The following MAGI2 variants were observed in gnomAD, a reference collection of about 807,000 sequenced individuals.
MAGI2 encodes the protein membrane associated guanylate kinase, WW and PDZ domain containing 2.
Under a neutral mutation model 133.3 loss-of-function variants are expected in MAGI2, and 35 were observed. That is an observed-to-expected ratio of 0.26 (90% CI 0.20 to 0.35). MAGI2 has a LOEUF of 0.35. MAGI2 is among the 10% of genes least tolerant of loss of function. MAGI2 has a pLI of 1.00. For missense variants in MAGI2, 1,636 were observed against 1,863.4 expected (o/e 0.88, Z 2.25); for synonymous variants, 729 against 710.6 (o/e 1.03, Z -0.41).
chr7:79,415,236 C>A (rs1398348672), intron 1 of MAGI2: 3 of 152,134 alleles, frequency 2.0e-5, no homozygotes, highest in Non-Finnish European at 4.4e-5. Context: ...AGTGCTGTGT[C>A]ATTCTTCTTT....
At chr7:78,038,103 CT>C (rs1197896171) in intron 21 of MAGI2, among the ~76,000 whole-genome samples, 1 of 152,070 alleles carries the variant, frequency 6.6e-6, no homozygotes, top group East Asian at 1.9e-4. Context: ...TGTGTTCGCT[CT>C]TTTTTTGTAA....
In MAGI2 at chr7:79,103,691, ATTTATTT is replaced by A. The variant is rs778758525; in HGVS notation, c.302-96492_302-96486del. ...CTGGCAGCATTTTATTTATTTATTT[ATTTATTT>A]TTTATTTTTTATTTTTTTTGAGACA... On this transcript the variant is annotated intron_variant, in intron 1 of 21. Coordinates refer to ENST00000354212, the MANE Select transcript of MAGI2 (RefSeq NM_012301.4). Among the ~76,000 whole-genome samples, 50 of 151,606 alleles carry A rather than the reference ATTTATTT, an allele frequency of 3.3e-4. 1 individual carries two copies. Among genetic ancestry groups the A allele is most frequent in the South Asian group, 1.2e-3 (6 of 4,802 alleles).
At chr7:78,678,876 A>G (rs550777532) in intron 2 of MAGI2, among the ~76,000 whole-genome samples, 1 of 152,258 alleles carries the variant, frequency 6.6e-6, no homozygotes, top group East Asian at 1.9e-4. Context: ...AAATATAGAG[A>G]ACATTGCAAA....
At chr7:78,276,564 C>G (rs908993984) in intron 9 of MAGI2, among the ~76,000 whole-genome samples, 2 of 151,646 alleles carry the variant, frequency 1.3e-5, no homozygotes, top group Non-Finnish European at 2.9e-5. Context: ...CTTATAGACT[C>G]TTTACTAATT....
intron 2 of MAGI2, among the ~76,000 whole-genome samples, chr7:78,927,474 T>G (rs952175999): frequency 6.6e-6 from 1 of 152,024 alleles, no homozygotes; most frequent in Middle Eastern, 3.4e-3. Context: ...GTGAACGTCA[T>G]TTTCTACACT....
At chr7:78,814,881 C>T (rs1194219017) in intron 2 of MAGI2, among the ~76,000 whole-genome samples, 2 of 152,070 alleles carry the variant, frequency 1.3e-5, no homozygotes, top group Non-Finnish European at 2.9e-5. Flanking sequence ...TGCCATCACA[C>T]CAGGCTCTTT....
At chr7:79,253,999 A>AAACAC (rs1442496459) in intron 1 of MAGI2, among the ~76,000 whole-genome samples, 26 of 152,076 alleles carry the variant, frequency 1.7e-4, no homozygotes, top group Non-Finnish European at 3.5e-4. Flanking sequence ...AAACAAAACA[A>AAACAC]AACAAAACAA....
At chr7:79,402,292 T>C (rs1384082325) in intron 1 of MAGI2, among the ~76,000 whole-genome samples, 1 of 152,170 alleles carries the variant, frequency 6.6e-6, no homozygotes, top group African/African-American at 2.4e-5. Context: ...TATAGAGATA[T>C]TAGAAAACTA....
intron 21 of MAGI2, among the ~76,000 whole-genome samples, chr7:78,038,515 A>G (rs1172703183): frequency 6.6e-6 from 1 of 152,224 alleles, no homozygotes; most frequent in Admixed American, 6.5e-5. Flanking sequence ...GAATTTCTAT[A>G]TCCTTGCCAC....
At chr7:79,159,920 G>A (rs1414117462) in intron 1 of MAGI2, among the ~76,000 whole-genome samples, 1 of 152,014 alleles carries the variant, frequency 6.6e-6, no homozygotes, top group Non-Finnish European at 1.5e-5. Flanking sequence ...TGTGTCATGT[G>A]AAAGTGATAT....
chr7:78,407,399 C>A (rs908603654), intron 6 of MAGI2, among the ~76,000 whole-genome samples: 1 of 151,918 alleles, frequency 6.6e-6, no homozygotes, highest in African/African-American at 2.4e-5. Context: ...AAAAAAGTCA[C>A]CTTTTGTTAA....
chr7:78,388,275 T>TATC (rs75353734), intron 6 of MAGI2, among the ~76,000 whole-genome samples: 78,386 of 143,402 alleles, frequency 0.55, 21,479 homozygotes, highest in Middle Eastern at 0.66. Flanking sequence ...GCTCCACTGT[T>TATC]ATCATCATCA....
chr7:79,273,977 T>A lies in MAGI2; in HGVS notation c.301+179043A>T, dbSNP rs145349587. On this transcript the variant is annotated intron_variant, in intron 1 of 21. Coordinates refer to ENST00000354212, the MANE Select transcript of MAGI2 (RefSeq NM_012301.4). ...TCGACCAATTGAACATAGGAGTAAA[T>A]GCAGTTCAACAGAAGTCATAATCCT... 9.9e-5 allele frequency among the ~76,000 whole-genome samples: 15 copies of A among 152,104 alleles called. No individual in the cohort carries two copies. In the East Asian group the frequency reaches 2.9e-3, roughly 29 times the overall value.
At chr7:78,996,020 G>A (rs1335678788) in intron 2 of MAGI2, among the ~76,000 whole-genome samples, 1 of 152,118 alleles carries the variant, frequency 6.6e-6, no homozygotes, top group East Asian at 1.9e-4. Flanking sequence ...TTGCACATAG[G>A]AAATGCTCAG....
At chr7:78,297,763 G>A (rs1389713739) in intron 9 of MAGI2, among the ~76,000 whole-genome samples, 2 of 148,758 alleles carry the variant, frequency 1.3e-5, no homozygotes, top group Non-Finnish European at 3.0e-5. Context: ...CTCACTCATA[G>A]GTGGGAATTG....
intron 3 of MAGI2, among the ~76,000 whole-genome samples, chr7:78,531,216 T>G (rs1797441647): frequency 2.4e-5 from 2 of 84,364 alleles, no homozygotes; most frequent in African/African-American, 1.2e-4. Flanking sequence ...ATTAATTAAG[T>G]TTTTTTTTTT....
intron 3 of MAGI2, among the ~76,000 whole-genome samples, chr7:78,591,782 G>A (rs1263611358): frequency 2.0e-5 from 3 of 152,068 alleles, no homozygotes; most frequent in Non-Finnish European, 4.4e-5. Flanking sequence ...ATGTAAATAG[G>A]CTATAAGGAA....
At chr7:79,136,413 C>A (rs1686856048) in intron 1 of MAGI2, among the ~76,000 whole-genome samples, 1 of 152,180 alleles carries the variant, frequency 6.6e-6, no homozygotes, top group Non-Finnish European at 1.5e-5. Context: ...TTAAGAAAGA[C>A]ATGCAAATCT....
chr7:78,837,578 G>A (rs956721536), intron 2 of MAGI2, among the ~76,000 whole-genome samples: 6 of 152,034 alleles, frequency 3.9e-5, no homozygotes, highest in Non-Finnish European at 8.8e-5. Flanking sequence ...GAACTAACCA[G>A]TATATAGCAT....
Sources: allele counts gnomAD v4.1 joint callset (sites outside exome capture counted in the v4.1 genomes callset), GRCh38; gene constraint gnomAD v4.1.1; transcripts MANE v1.5; gene names NCBI Gene and HGNC (gene_info 2026-07-23, HGNC 2026-07-21).